Variants in FBXL7 observed in about 807,000 individuals in gnomAD.
FBXL7 encodes the protein F-box and leucine rich repeat protein 7, also known as F-box/LRR-repeat protein 7.
A neutral mutation model predicts 38.3 loss-of-function variants in FBXL7; 12 were observed. The ratio of observed to expected loss-of-function variants is 0.31; its 90% CI spans 0.20 to 0.51. The LOEUF (loss-of-function observed/expected upper bound fraction) is 0.51. FBXL7 is among the 20% of genes least tolerant of loss of function. The pLI, the probability that FBXL7 is intolerant of heterozygous loss-of-function variation, is 0.98. For missense variants in FBXL7, 567 were observed against 676.4 expected (o/e 0.84, Z 1.79); for synonymous variants, 297 against 300.9 (o/e 0.99, Z 0.13).
At chr5:15,579,639 A>C (rs1159159369) in intron 1 of FBXL7, among the ~76,000 whole-genome samples, 3 of 152,302 alleles carry the variant, frequency 2.0e-5, no homozygotes, top group Middle Eastern at 3.4e-3. Flanking sequence ...TTAGTGACTT[A>C]AGCAACAGCC....
At chr5:15,529,624 G>A (rs1431164803) in intron 1 of FBXL7, among the ~76,000 whole-genome samples, 1 of 152,210 alleles carries the variant, frequency 6.6e-6, no homozygotes, top group Middle Eastern at 3.4e-3. Context: ...TCCTGACCTC[G>A]TGATCCACCC....
At chr5:15,895,933 C>T (rs992785603) in intron 2 of FBXL7, among the ~76,000 whole-genome samples, 8 of 151,884 alleles carry the variant, frequency 5.3e-5, no homozygotes, top group Admixed American at 1.3e-4. Context: ...CGTGAGCCAC[C>T]GGCCCGGCCC....
intron 1 of FBXL7, among the ~76,000 whole-genome samples, chr5:15,584,464 C>G (rs1404497151): frequency 6.6e-6 from 1 of 152,198 alleles, no homozygotes; most frequent in African/African-American, 2.4e-5. Context: ...TGCCACCAGT[C>G]TCTTTGCTGA....
intron 2 of FBXL7, among the ~76,000 whole-genome samples, chr5:15,662,521 T>C (rs1742120661): frequency 6.6e-6 from 1 of 152,186 alleles, no homozygotes; most frequent in Non-Finnish European, 1.5e-5. Flanking sequence ...GATTCCACTT[T>C]TCAATTTTTG....
chr5:15,862,084 A>T (rs1204318710), intron 2 of FBXL7, among the ~76,000 whole-genome samples: 2 of 152,110 alleles, frequency 1.3e-5, no homozygotes, highest in Non-Finnish European at 2.9e-5. Context: ...AATGACCTTA[A>T]TGTGGTTTGA....
intron 1 of FBXL7, among the ~76,000 whole-genome samples, chr5:15,586,836 AAT>A (rs1253552444): frequency 6.6e-6 from 1 of 152,232 alleles, no homozygotes; most frequent in Non-Finnish European, 1.5e-5. Flanking sequence ...ATTTTAATAG[AAT>A]AGAGACCGTT....
chr5:15,934,010 AT>A (rs1742110988), intron 3 of FBXL7, among the ~76,000 whole-genome samples: 1 of 140,736 alleles, frequency 7.1e-6, no homozygotes, highest in African/African-American at 3.2e-5. Context: ...TTTTGTCTTT[AT>A]TTATCTATTT....
chr5:15,594,964 A>G (rs2126485519), intron 1 of FBXL7, among the ~76,000 whole-genome samples: 1 of 152,150 alleles, frequency 6.6e-6, no homozygotes, highest in Non-Finnish European at 1.5e-5. Context: ...AAAAATATAT[A>G]CCTGTATGTG....
chr5:15,762,581 T>C (rs901260185), intron 2 of FBXL7, among the ~76,000 whole-genome samples: 2 of 152,156 alleles, frequency 1.3e-5, no homozygotes, highest in Admixed American at 1.3e-4. Flanking sequence ...TTATTTAACC[T>C]CCCCTAAGCC....
intron 2 of FBXL7, among the ~76,000 whole-genome samples, chr5:15,777,338 C>G (rs182658542): frequency 6.6e-6 from 1 of 152,136 alleles, no homozygotes; most frequent in Non-Finnish European, 1.5e-5. Flanking sequence ...AATAATGTAG[C>G]ATTTGAATCT....
chr5:15,673,648 T>C (rs368717162), intron 2 of FBXL7, among the ~76,000 whole-genome samples: 6 of 152,336 alleles, frequency 3.9e-5, no homozygotes, highest in African/African-American at 1.4e-4. Flanking sequence ...GGGATTGTCT[T>C]CAGAGTCTCT....
chr5:15,658,684 G>A (rs148061956), intron 2 of FBXL7, among the ~76,000 whole-genome samples: 68 of 152,152 alleles, frequency 4.5e-4, no homozygotes, highest in African/African-American at 1.5e-3. Flanking sequence ...GGTTGTGATC[G>A]ATTGAGCAAG....
intron 2 of FBXL7, among the ~76,000 whole-genome samples, chr5:15,686,532 T>C (rs571640375): frequency 5.3e-5 from 8 of 152,308 alleles, no homozygotes; most frequent in African/African-American, 1.7e-4. Flanking sequence ...CCACTCTACT[T>C]GTGTTCCTTC....
intron 1 of FBXL7, among the ~76,000 whole-genome samples, chr5:15,586,822 G>T (rs1257579183): frequency 6.6e-6 from 1 of 152,186 alleles, no homozygotes; most frequent in East Asian, 1.9e-4. Context: ...GAGCTATCTG[G>T]AGAATTTTAA....
In FBXL7 at chr5:15,500,467, C is replaced by T. The variant is rs962580230; in HGVS notation, c.-210C>T. 1 of 643,976 alleles carries T rather than the reference C, an allele frequency of 1.6e-6. No homozygotes were observed. Among genetic ancestry groups the T allele is most frequent in the Admixed American group, 2.8e-5 (1 of 35,476 alleles). The allele number at this position is 643,976 out of a possible 1,614,324, so 39.9% of individuals were successfully genotyped here. A position where few individuals can be genotyped will look rare whatever the true frequency, so the allele number is the denominator to read the frequency against. On this transcript the variant is annotated 5_prime_UTR_variant, in exon 1 of 4. Transcript: ENST00000504595. ...TAAGTGCTGCAGCTGTGCCCGGCCC[C>T]GCCTGGAGCCACCGGGGGTGCCAGG...
chr5:15,849,125 C>T (rs1739016725), intron 2 of FBXL7, among the ~76,000 whole-genome samples: 1 of 152,218 alleles, frequency 6.6e-6, no homozygotes. Flanking sequence ...TAATAGGCTT[C>T]ACCTACTCCT....
intron 2 of FBXL7, among the ~76,000 whole-genome samples, chr5:15,839,664 A>AATAGTAAT (rs1455750473): frequency 6.6e-6 from 1 of 152,216 alleles, no homozygotes; most frequent in African/African-American, 2.4e-5. Flanking sequence ...TTACTAACAA[A>AATAGTAAT]ATAGTAATAA....
intron 2 of FBXL7, among the ~76,000 whole-genome samples, chr5:15,879,336 G>A (rs995753603): frequency 6.6e-6 from 1 of 152,046 alleles, no homozygotes; most frequent in Admixed American, 6.6e-5. Flanking sequence ...CCTACCAGAC[G>A]CCAGGATAGC....
intron 1 of FBXL7, among the ~76,000 whole-genome samples, chr5:15,608,417 T>A (rs1015875066): frequency 2.6e-5 from 4 of 152,212 alleles, no homozygotes; most frequent in Non-Finnish European, 4.4e-5. Context: ...CACCTGAGCA[T>A]GTTGCTTGGA....
Sources: gnomAD v4.1 joint callset for allele counts (sites outside exome capture counted in the v4.1 genomes callset) on GRCh38, gnomAD v4.1.1 for gene constraint, MANE v1.5 for transcripts, NCBI Gene and HGNC (gene_info 2026-07-23, HGNC 2026-07-21) for gene names.